REDIC1: variants seen among roughly 807,000 people sequenced by gnomAD.
The protein encoded by REDIC1 is HEI10 Interacting Protein 1.
At chr12:39,712,798 T>C in the REDIC1 span, among the ~76,000 whole-genome samples, 2 of 98,712 alleles carry the variant, frequency 2.0e-5, no homozygotes, top group Non-Finnish European at 4.6e-5. Context: ...TATATGTATA[T>C]ATGTGTATAC....
chr12:39,653,431 T>C, the REDIC1 span, among the ~76,000 whole-genome samples: 1 of 151,886 alleles, frequency 6.6e-6, no homozygotes, highest in African/African-American at 2.4e-5. Flanking sequence ...TTTTTTTAAA[T>C]CATGTTGGAA....
At chr12:39,895,671 T>G in the REDIC1 span, among the ~76,000 whole-genome samples, 9 of 148,094 alleles carry the variant, frequency 6.1e-5, no homozygotes, top group African/African-American at 2.2e-4. Flanking sequence ...TGTATATGCG[T>G]GTATACGTAC....
At chr12:39,771,240 T>TTTGTAAG in the REDIC1 span, among the ~76,000 whole-genome samples, 1 of 152,098 alleles carries the variant, frequency 6.6e-6, no homozygotes, top group African/African-American at 2.4e-5. Context: ...GTGTAGTTCC[T>TTTGTAAG]TTTTCTGGAG....
At chr12:39,653,585 C>CTTCTTTCTTCTTCTTT in the REDIC1 span, among the ~76,000 whole-genome samples, 3 of 75,220 alleles carry the variant, frequency 4.0e-5, no homozygotes, top group East Asian at 1.0e-3. Flanking sequence ...TCTTCCTCTT[C>CTTCTTTCTTCTTCTTT]TTCTTCCTCT....
At chr12:39,711,665 A>G in the REDIC1 span, among the ~76,000 whole-genome samples, 8 of 139,990 alleles carry the variant, frequency 5.7e-5, no homozygotes, top group African/African-American at 1.6e-4. Flanking sequence ...GTATGTCTAT[A>G]CACATGTATG....
chr12:39,694,555 C>T, the REDIC1 span, among the ~76,000 whole-genome samples: 1 of 152,174 alleles, frequency 6.6e-6, no homozygotes, highest in Non-Finnish European at 1.5e-5. Flanking sequence ...TTTAAACCAG[C>T]CCTAACCAGA....
the REDIC1 span, chr12:39,721,203 T>C: frequency 6.2e-7 from 1 of 1,613,478 alleles, no homozygotes. Context: ...GCAGTGGAAA[T>C]ATTAAGGCAG....
chr12:39,702,693 C>T, the REDIC1 span, among the ~76,000 whole-genome samples: 3 of 152,174 alleles, frequency 2.0e-5, no homozygotes, highest in African/African-American at 4.8e-5. Context: ...CAATAAAATA[C>T]TGGCAAACCA....
chr12:39,704,838 C>T, the REDIC1 span, among the ~76,000 whole-genome samples: 12 of 151,904 alleles, frequency 7.9e-5, no homozygotes, highest in South Asian at 2.1e-4. Context: ...AACCAAACAC[C>T]GCATATTCTC....
At chr12:39,861,108 A>G in the REDIC1 span, among the ~76,000 whole-genome samples, 1 of 152,126 alleles carries the variant, frequency 6.6e-6, no homozygotes, top group Non-Finnish European at 1.5e-5. Flanking sequence ...GGATCTTTGT[A>G]CCTGCCATTC....
At chr12:39,629,130 A>T in the REDIC1 span, among the ~76,000 whole-genome samples, 1 of 152,246 alleles carries the variant, frequency 6.6e-6, no homozygotes, top group African/African-American at 2.4e-5. Context: ...CCAAAGGGAA[A>T]CAATCGAACA....
the REDIC1 span, among the ~76,000 whole-genome samples, chr12:39,839,839 G>C: frequency 1.3e-5 from 2 of 152,046 alleles, no homozygotes; most frequent in Non-Finnish European, 1.5e-5. Context: ...TTATCTGGAT[G>C]TTTTCCAAGT....
chr12:39,705,623 G>A, the REDIC1 span, among the ~76,000 whole-genome samples: 5 of 152,004 alleles, frequency 3.3e-5, no homozygotes, highest in Non-Finnish European at 2.9e-5. Flanking sequence ...ATGACCAAGT[G>A]GGATTTATCC....
the REDIC1 span, among the ~76,000 whole-genome samples, chr12:39,896,257 T>C: frequency 6.2e-4 from 60 of 96,046 alleles, 2 homozygotes; most frequent in South Asian, 9.1e-4. Flanking sequence ...TACATGTATG[T>C]ATATGTGTGT....
At chr12:39,830,016 C>A in the REDIC1 span, 4 of 1,536,376 alleles carry the variant, frequency 2.6e-6, no homozygotes, top group Non-Finnish European at 3.6e-6. Flanking sequence ...AAAAGAACTG[C>A]TATAAGTGCA....
chr12:39,826,488 C>G, the REDIC1 span, among the ~76,000 whole-genome samples: 1 of 148,182 alleles, frequency 6.7e-6, no homozygotes, highest in Non-Finnish European at 1.5e-5. Flanking sequence ...TCTTACTATA[C>G]TTTGAGTCTC....
the REDIC1 span, among the ~76,000 whole-genome samples, chr12:39,767,091 C>G: frequency 6.6e-6 from 1 of 152,064 alleles, no homozygotes. Flanking sequence ...CCAGATCCAT[C>G]TGAGAAATCA....
the REDIC1 span, among the ~76,000 whole-genome samples, chr12:39,793,416 A>C: frequency 1.3e-5 from 2 of 152,188 alleles, no homozygotes; most frequent in Admixed American, 1.3e-4. Flanking sequence ...CTATAGAGTC[A>C]ATGTAAGTCC....
chr12:39,760,914 C>T, the REDIC1 span, among the ~76,000 whole-genome samples: 11 of 57,512 alleles, frequency 1.9e-4, no homozygotes, highest in African/African-American at 3.6e-4. Flanking sequence ...AATTGAATTC[C>T]GACCAGCCTG....
Sources: gnomAD v4.1 joint callset for allele counts (sites outside exome capture counted in the v4.1 genomes callset) on GRCh38, gnomAD v4.1.1 for gene constraint, MANE v1.5 for transcripts, NCBI Gene and HGNC (gene_info 2026-07-23, HGNC 2026-07-21) for gene names.